The following ANO1 variants were observed in gnomAD, a reference collection of about 807,000 sequenced individuals.
The protein encoded by ANO1 is anoctamin-1.
A neutral mutation model predicts 124.0 loss-of-function variants in ANO1; 59 were observed. That is an observed-to-expected ratio of 0.48 (90% CI 0.39 to 0.59). The LOEUF (loss-of-function observed/expected upper bound fraction) is 0.59. Among genes scored for constraint, ANO1 ranks in the 20% least tolerant of loss-of-function variants. ANO1 has a pLI of 0.00. For missense variants in ANO1, 1,059 were observed against 1,328.0 expected (o/e 0.80, Z 3.15); for synonymous variants, 529 against 532.0 (o/e 0.99, Z 0.08).
chr11:69,998,347 A>G (rs985295174), intron 1 of ANO1, among the ~76,000 whole-genome samples: 10 of 145,926 alleles, frequency 6.9e-5, no homozygotes, highest in African/African-American at 2.6e-4. Flanking sequence ...GCCCCATGGC[A>G]TAATTCTGCC....
intron 11 of ANO1, among the ~76,000 whole-genome samples, chr11:70,135,881 T>A (rs538122117): frequency 1.3e-5 from 2 of 152,342 alleles, no homozygotes; most frequent in South Asian, 4.1e-4. Flanking sequence ...CCCAAAGCGC[T>A]ACGTGGCATT....
At chr11:70,108,749 G>A (rs2045657368) in intron 6 of ANO1, among the ~76,000 whole-genome samples, 2 of 152,296 alleles carry the variant, frequency 1.3e-5, no homozygotes, top group South Asian at 4.1e-4. Flanking sequence ...GGTCCAGTGG[G>A]AAGTAATTGG....
chr11:69,986,599 G>T (rs1554996906), intron 1 of ANO1, among the ~76,000 whole-genome samples: 1 of 152,130 alleles, frequency 6.6e-6, no homozygotes, highest in Non-Finnish European at 1.5e-5. Context: ...TGCTATTCTG[G>T]AGATTTATTT....
At chr11:70,136,930 G>A (rs1260880168) in intron 11 of ANO1, among the ~76,000 whole-genome samples, 1 of 147,420 alleles carries the variant, frequency 6.8e-6, no homozygotes, top group African/African-American at 2.4e-5. Flanking sequence ...GGTGAGCAGT[G>A]AGACACGCTG....
At chr11:70,156,042 A>C (rs1296647140) in intron 15 of ANO1, 54 bp downstream of exon 15, 10 of 1,412,912 alleles carry the variant, frequency 7.1e-6, no homozygotes, top group Middle Eastern at 1.8e-4. Flanking sequence ...AGGCAATCAA[A>C]GTCGATTGTG....
At chr11:70,047,230 T>C (rs1857275605) in intron 1 of ANO1, among the ~76,000 whole-genome samples, 1 of 152,140 alleles carries the variant, frequency 6.6e-6, no homozygotes, top group African/African-American at 2.4e-5. Flanking sequence ...GTTCATTAAT[T>C]GTAACAAATA....
At chr11:69,989,695 G>A (rs1856117331) in intron 1 of ANO1, among the ~76,000 whole-genome samples, 1 of 152,152 alleles carries the variant, frequency 6.6e-6, no homozygotes, top group Non-Finnish European at 1.5e-5. Context: ...CTGTCCTACA[G>A]AGAAAAGGCT....
chr11:70,112,556 T>TC (rs911790706), intron 7 of ANO1, among the ~76,000 whole-genome samples: 5 of 148,186 alleles, frequency 3.4e-5, no homozygotes, highest in African/African-American at 7.5e-5. Context: ...TTCTTTTCTT[T>TC]TTTTTTTTTT....
intron 8 of ANO1, among the ~76,000 whole-genome samples, chr11:70,118,207 C>T (rs994357515): frequency 6.6e-6 from 1 of 152,092 alleles, no homozygotes; most frequent in Non-Finnish European, 1.5e-5. Context: ...CCCCCTCCTC[C>T]CCCTCCTCCA....
chr11:70,060,261 C>T (rs1555007565), intron 1 of ANO1, among the ~76,000 whole-genome samples: 1 of 152,154 alleles, frequency 6.6e-6, no homozygotes, highest in Admixed American at 6.5e-5. Flanking sequence ...ATCAGTTCGG[C>T]TTGTTGGGAA....
intron 2 of ANO1, among the ~76,000 whole-genome samples, chr11:70,098,386 C>T (rs2045105324): frequency 6.6e-6 from 1 of 152,210 alleles, no homozygotes; most frequent in African/African-American, 2.4e-5. Context: ...TGGTTCCTGC[C>T]CGATATGGGA....
intron 1 of ANO1, among the ~76,000 whole-genome samples, chr11:70,000,015 C>A (rs1389973445): frequency 4.6e-5 from 7 of 152,248 alleles, no homozygotes; most frequent in East Asian, 1.9e-4. Context: ...CAGGTGTAAC[C>A]AAATGCTCGC....
rs368420608 is a variant in ANO1, at chr11:70,163,347, G to A, written c.1950+7G>A. 1.9e-5 allele frequency: 31 copies of A among 1,613,910 alleles called. No individual in the cohort carries two copies. Among genetic ancestry groups the A allele is most frequent in the Middle Eastern group, 1.7e-4 (1 of 6,060 alleles). On this transcript the variant is annotated splice_region_variant and intron_variant, in intron 19 of 25. Transcript: ENST00000355303. ...TTCCTTCCGAATGGAAGAGGTAACCGAAATTTTATTCATCTCTGGCAGCCC... is the reference window on the plus strand; with the variant it reads ...TTCCTTCCGAATGGAAGAGGTAACCAAAATTTTATTCATCTCTGGCAGCCC...
At chr11:70,074,579 A>G (rs1555009764), upstream of ANO1, among the ~76,000 whole-genome samples, 1 of 152,152 alleles carries the variant, frequency 6.6e-6, no homozygotes, top group Non-Finnish European at 1.5e-5. Context: ...CACCTGTGAA[A>G]TGGGGACTGA....
the ANO1 span, among the ~76,000 whole-genome samples, chr11:69,980,861 G>T: frequency 2.0e-4 from 31 of 152,222 alleles, no homozygotes; most frequent in African/African-American, 6.5e-4. Flanking sequence ...AGACCATCCT[G>T]GCCAACATGG....
upstream of ANO1, among the ~76,000 whole-genome samples, chr11:69,983,199 C>T (rs1050322538): frequency 2.6e-5 from 4 of 151,970 alleles, no homozygotes; most frequent in South Asian, 2.1e-4. Context: ...GATCATGCTC[C>T]GGCTTGGGGT....
At chr11:70,017,135 G>A (rs1409363975) in intron 1 of ANO1, among the ~76,000 whole-genome samples, 3 of 152,164 alleles carry the variant, frequency 2.0e-5, no homozygotes, top group South Asian at 4.1e-4. Context: ...AAAATCCCAC[G>A]CGGGCCAAGG....
intron 1 of ANO1, among the ~76,000 whole-genome samples, chr11:70,061,246 A>G (rs1857569006): frequency 6.6e-6 from 1 of 152,048 alleles, no homozygotes; most frequent in South Asian, 2.1e-4. Context: ...CCTGCTGGGA[A>G]GATTGGTAAG....
intron 8 of ANO1, among the ~76,000 whole-genome samples, chr11:70,117,990 C>T (rs548388253): frequency 6.6e-6 from 1 of 152,196 alleles, no homozygotes; most frequent in South Asian, 2.1e-4. Flanking sequence ...CGACTCCAAT[C>T]CTGTTGGAAA....
Sources: allele counts gnomAD v4.1 joint callset (sites outside exome capture counted in the v4.1 genomes callset), GRCh38; gene constraint gnomAD v4.1.1; transcripts MANE v1.5; gene names NCBI Gene and HGNC (gene_info 2026-07-23, HGNC 2026-07-21).